The following CD244 variants were observed in gnomAD, a reference collection of about 807,000 sequenced individuals.
CD244 encodes the protein CD244 molecule, also known as natural killer cell receptor 2B4.
A neutral mutation model predicts 45.5 loss-of-function variants in CD244; 20 were observed. The observed-to-expected ratio is 0.44, with a 90% CI of 0.31 to 0.64. The LOEUF (loss-of-function observed/expected upper bound fraction) is 0.64. Ranked by LOEUF, CD244 falls within the 30% of genes least tolerant of loss-of-function variation. The pLI, the probability that CD244 is intolerant of heterozygous loss-of-function variation, is 0.08. For missense variants in CD244, 407 were observed against 426.9 expected, an observed-to-expected ratio of 0.95 and a Z score of 0.41; for synonymous variants, 185 against 160.5, an observed-to-expected ratio of 1.15 and a Z score of -1.15.
At chr1:160,862,553 G>T in intron 1 of CD244, 64 bp downstream of exon 1, 1 of 1,460,336 alleles carries the variant, frequency 6.8e-7, no homozygotes, top group South Asian at 1.2e-5. Context: ...CTCTGGCTCT[G>T]ATCTCCCTGA....
chr1:160,846,593 G>A (rs1224580804), intron 1 of CD244, among the ~76,000 whole-genome samples: 1 of 152,006 alleles, frequency 6.6e-6, no homozygotes, highest in Non-Finnish European at 1.5e-5. Flanking sequence ...TTGAACCCAG[G>A]AAGTCAAGGC....
In CD244 at chr1:160,849,787, C is replaced by A. The variant is rs192692202; in HGVS notation, c.62-7886G>T. On this transcript the variant is annotated intron_variant, in intron 1 of 8. Transcript: ENST00000368034. ...ACGCCTGTAATCCCAGCACTTTGGG[C>A]AGCTCACCTGAGGTCAGGAGTTCGA... 2.0e-3 allele frequency among the ~76,000 whole-genome samples: 308 copies of A among 152,214 alleles called. 1 individual carries two copies. The highest frequency in any genetic ancestry group is 7.0e-3 in the African/African-American group (289 of 41,538).
chr1:160,861,674 T>G (rs1670310524), intron 1 of CD244, among the ~76,000 whole-genome samples: 1 of 151,910 alleles, frequency 6.6e-6, no homozygotes, highest in Non-Finnish European at 1.5e-5. Flanking sequence ...TGGTCTCTAC[T>G]AAAAATACAA....
chr1:160,843,084 A>G (rs1669605070), intron 1 of CD244, among the ~76,000 whole-genome samples: 1 of 152,208 alleles, frequency 6.6e-6, no homozygotes, highest in Non-Finnish European at 1.5e-5. Flanking sequence ...TGTCCAGTGC[A>G]TTATGAATGC....
At chr1:160,841,525 C>T (rs1163464093) in intron 2 of CD244, 40 bp from the exon 3 acceptor site, 18 of 1,612,978 alleles carry the variant, frequency 1.1e-5, no homozygotes, top group Non-Finnish European at 1.5e-5. Context: ...ATTGGAAATA[C>T]AGAACTTAGA....
At chr1:160,835,251 C>T (rs1669292597) in intron 6 of CD244, among the ~76,000 whole-genome samples, 1 of 152,126 alleles carries the variant, frequency 6.6e-6, no homozygotes, top group Admixed American at 6.5e-5. Context: ...GAGTGAATTT[C>T]TGTAATCCCA....
At chr1:160,842,950 G>T (rs1669596333) in intron 1 of CD244, among the ~76,000 whole-genome samples, 1 of 152,200 alleles carries the variant, frequency 6.6e-6, no homozygotes, top group South Asian at 2.1e-4. Context: ...GTCTCTCTGG[G>T]TGAGTTGGGG....
chr1:160,860,522 G>C (rs1047413568), intron 1 of CD244, among the ~76,000 whole-genome samples: 7 of 152,086 alleles, frequency 4.6e-5, no homozygotes, highest in African/African-American at 1.7e-4. Flanking sequence ...TGGTATTAAT[G>C]TTAAATTTAC....
chr1:160,856,249 T>C (rs1329407688), intron 1 of CD244, among the ~76,000 whole-genome samples: 1 of 152,146 alleles, frequency 6.6e-6, no homozygotes, highest in Non-Finnish European at 1.5e-5. Context: ...TTTCTTCCTC[T>C]CTATTTAGCT....
chr1:160,855,535 T>C (rs1283114716), intron 1 of CD244, among the ~76,000 whole-genome samples: 1 of 152,130 alleles, frequency 6.6e-6, no homozygotes, highest in Non-Finnish European at 1.5e-5. Context: ...TCAGTTTCTG[T>C]CCCAGAGGGG....
Position 160,839,067 on chromosome 1 carries a change from C to T in CD244, c.656-18G>A, listed in dbSNP as rs377583234. 20 of 1,567,796 alleles carry T rather than the reference C, an allele frequency of 1.3e-5. No individual in the cohort carries two copies. Among genetic ancestry groups the T allele is most frequent in the African/African-American group, 2.7e-5 (2 of 74,100 alleles). ...TCTGAATTCTGAGGAATACAGAAGG[C>T]GTGAGAACTGAGCTGTCAGCTCGCT... On this transcript the variant is annotated intron_variant, in intron 3 of 8. Coordinates refer to ENST00000368034, the MANE Select transcript of CD244 (RefSeq NM_016382.4).
At chr1:160,846,039 A>C (rs548718381) in intron 1 of CD244, among the ~76,000 whole-genome samples, 63 of 152,214 alleles carry the variant, frequency 4.1e-4, no homozygotes, top group African/African-American at 1.5e-3. Flanking sequence ...TAAAAAGCAG[A>C]TGATGGAATG....
rs183972741 is a variant in CD244 at position 160,852,910 on chromosome 1, C to G, written c.61+9707G>C. Among the ~76,000 whole-genome samples, 198 of 152,156 alleles carry G rather than the reference C, an allele frequency of 1.3e-3. 2 individuals carry two copies. The highest frequency in any genetic ancestry group is 4.6e-3 in the African/African-American group (193 of 41,506). On this transcript the variant is annotated intron_variant, in intron 1 of 8. Transcript: ENST00000368034. ...TGGCAGTGCACACCTGTAATCCCAG[C>G]TACTTGGAAGACTGAAGCAGGAGAA...
intron 1 of CD244, chr1:160,848,425 A>G (rs1421384964): frequency 9.1e-6 from 5 of 552,374 alleles, no homozygotes; most frequent in Non-Finnish European, 1.8e-5. Context: ...TGAATATTGC[A>G]GACAGCATGG....
At chr1:160,833,799 A>G (rs1403047805) in intron 7 of CD244, among the ~76,000 whole-genome samples, 1 of 152,212 alleles carries the variant, frequency 6.6e-6, no homozygotes, top group African/African-American at 2.4e-5. Flanking sequence ...TACCTCCCAC[A>G]GAAACTCCCA....
chr1:160,836,108 TCTGCCATTCAATG>T, intron 6 of CD244, 74 bp downstream of exon 6: 1 of 955,064 alleles, frequency 1.0e-6, no homozygotes, highest in Non-Finnish European at 1.7e-6. Context: ...AAGATCTTAT[TCTGCCATTCAATG>T]GTGTGAGTTT....
At chr1:160,832,725 A>T (rs576313100) in intron 7 of CD244, 150 bp from the exon 8 acceptor site, 1 of 1,512,794 alleles carries the variant, frequency 6.6e-7, no homozygotes, top group African/African-American at 1.4e-5. Flanking sequence ...TCACCCTAGG[A>T]GCAAAACAAT....
intron 8 of CD244, among the ~76,000 whole-genome samples, chr1:160,832,314 C>T (rs946463427): frequency 2.6e-5 from 4 of 152,180 alleles, no homozygotes; most frequent in Admixed American, 1.3e-4. Flanking sequence ...TATCTAAACA[C>T]GCAATATGAT....
chr1:160,858,413 T>A (rs1183240755), intron 1 of CD244, among the ~76,000 whole-genome samples: 2 of 152,280 alleles, frequency 1.3e-5, no homozygotes, highest in East Asian at 3.9e-4. Context: ...CCTTTTATTG[T>A]CCAGCAGATC....
Sources: allele counts gnomAD v4.1 joint callset (sites outside exome capture counted in the v4.1 genomes callset), GRCh38; gene constraint gnomAD v4.1.1; transcripts MANE v1.5; gene names NCBI Gene and HGNC (gene_info 2026-07-23, HGNC 2026-07-21).